GLIS1: variants seen among roughly 807,000 people sequenced by gnomAD.
The protein encoded by GLIS1 is GLIS family zinc finger 1.
GLIS1 carries 24 observed loss-of-function variants against 63.8 expected under a neutral mutation model. The ratio of observed to expected loss-of-function variants is 0.38; its 90% CI spans 0.27 to 0.53. The LOEUF (loss-of-function observed/expected upper bound fraction) is 0.53, where lower values mean the gene tolerates loss of function less well. Among genes scored for constraint, GLIS1 ranks in the 20% least tolerant of loss-of-function variants. The pLI, the probability that GLIS1 is intolerant of heterozygous loss-of-function variation, is 0.85. For missense variants in GLIS1, 1,036 were observed against 1,074.1 expected, an observed-to-expected ratio of 0.96 and a Z score of 0.50; for synonymous variants, 450 against 482.5, an observed-to-expected ratio of 0.93 and a Z score of 0.88.
At chr1:53,720,409 C>T (rs1217611144) in intron 2 of GLIS1, among the ~76,000 whole-genome samples, 1 of 152,004 alleles carries the variant, frequency 6.6e-6, no homozygotes, top group African/African-American at 2.4e-5. Context: ...AGAAAAATAC[C>T]GTAACTTCCT....
chr1:53,517,380 G>A (rs1204060151), intron 7 of GLIS1, among the ~76,000 whole-genome samples: 3 of 152,194 alleles, frequency 2.0e-5, no homozygotes, highest in Non-Finnish European at 4.4e-5. Context: ...CAGCTTGGGG[G>A]AAGGTGCCTC....
intron 4 of GLIS1, among the ~76,000 whole-genome samples, chr1:53,550,817 G>A (rs966499204): frequency 3.9e-5 from 6 of 152,180 alleles, no homozygotes; most frequent in African/African-American, 1.4e-4. Flanking sequence ...AGGTTCAGAC[G>A]CTCCCCACTC....
intron 4 of GLIS1, among the ~76,000 whole-genome samples, chr1:53,575,199 G>A (rs1645021333): frequency 6.6e-6 from 1 of 152,162 alleles, no homozygotes; most frequent in South Asian, 2.1e-4. Context: ...TAACATCCCG[G>A]CTGCCTATGG....
At chr1:53,570,311 G>C (rs1569845730) in intron 4 of GLIS1, among the ~76,000 whole-genome samples, 1 of 152,010 alleles carries the variant, frequency 6.6e-6, no homozygotes, top group East Asian at 1.9e-4. Flanking sequence ...TTTAGAGATG[G>C]GGGTCTTACT....
rs41302766 is a variant in GLIS1 at position 53,509,209 on chromosome 1, C to T, written c.2141G>A (p.Gly714Asp). The change falls in exon 10 of 11, where the codon GGT (glycine) becomes GAT (aspartate). Residue 714 changes from glycine to aspartate, a missense_variant. Physicochemically the swap from Gly to Asp is moderately conservative, Grantham distance 94. Coordinates refer to ENST00000628545, the MANE Select transcript of GLIS1 (RefSeq NM_001367484.1). The stretch of plus-strand genomic sequence containing the variant: ...GGTCTCCCCGACCAGTCCGTCCCCA[C>T]CGGCTGCTGGTTCAGCCATCCGGTA... ...DCYRMAEPAA[G>D]GDGLVGETHG... 5 of 1,598,060 alleles carry T rather than the reference C, an allele frequency of 3.1e-6. No homozygotes were observed. The highest frequency in any genetic ancestry group is 1.1e-5 in the South Asian group (1 of 88,002).
At chr1:53,676,927 TCCCACTTACCGGTCCTGCGGG>T (rs1421750751) in intron 2 of GLIS1, among the ~76,000 whole-genome samples, 1 of 152,202 alleles carries the variant, frequency 6.6e-6, no homozygotes, top group African/African-American at 2.4e-5. Context: ...TGCCTTCAAA[TCCCACTTACCGGTCCTGCGGG>T]CCCTCTGGCC....
intron 2 of GLIS1, among the ~76,000 whole-genome samples, chr1:53,684,313 T>C (rs1646307517): frequency 6.6e-6 from 1 of 152,188 alleles, no homozygotes. Context: ...TGTGTATTTA[T>C]GGAATGTGTG....
intron 2 of GLIS1, among the ~76,000 whole-genome samples, chr1:53,641,400 G>A (rs577012489): frequency 6.6e-6 from 1 of 152,326 alleles, no homozygotes; most frequent in Non-Finnish European, 1.5e-5. Context: ...TGACATCCCA[G>A]TGCCTGCCGT....
At chr1:53,569,601 A>G (rs2100460852) in intron 4 of GLIS1, among the ~76,000 whole-genome samples, 1 of 152,316 alleles carries the variant, frequency 6.6e-6, no homozygotes, top group African/African-American at 2.4e-5. Context: ...GAGGTCTACT[A>G]TCATTATTTC....
intron 2 of GLIS1, among the ~76,000 whole-genome samples, chr1:53,713,689 G>A (rs1359104229): frequency 6.6e-6 from 1 of 152,200 alleles, no homozygotes; most frequent in African/African-American, 2.4e-5. Context: ...TTGAGCCCAG[G>A]AAGTTGAGGC....
At chr1:53,720,773 A>G (rs1181467534) in intron 2 of GLIS1, among the ~76,000 whole-genome samples, 1 of 152,170 alleles carries the variant, frequency 6.6e-6, no homozygotes, top group Non-Finnish European at 1.5e-5. Flanking sequence ...ATTATGTATC[A>G]ATTTTAAAAA....
chr1:53,724,521 CTTTTAT>C (rs1006624193), intron 2 of GLIS1, among the ~76,000 whole-genome samples: 4 of 152,006 alleles, frequency 2.6e-5, no homozygotes, highest in Non-Finnish European at 4.4e-5. Flanking sequence ...ACAAGATGAT[CTTTTAT>C]TTTATTTTGA....
intron 4 of GLIS1, among the ~76,000 whole-genome samples, chr1:53,577,975 G>A (rs1264343031): frequency 1.3e-5 from 2 of 152,064 alleles, no homozygotes; most frequent in Non-Finnish European, 2.9e-5. Context: ...ATGCCATCCT[G>A]ATCCCCCTAC....
chr1:53,514,870 G>A, intron 7 of GLIS1, 89 bp from the exon 8 acceptor site: 1 of 1,397,256 alleles, frequency 7.2e-7, no homozygotes, highest in Non-Finnish European at 9.6e-7. Flanking sequence ...CCTGATGATG[G>A]AGAAATAAAG....
chr1:53,506,468 TG>T lies in GLIS1; in HGVS notation c.*150del. Reference sequence around the variant, plus strand: ...ATGGCGGCTCCCTGGCAGCGCTGGGTGGGGTGGCAGCGCTGGCTCCCCTGGG... The same window carrying T: ...ATGGCGGCTCCCTGGCAGCGCTGGGTGGGTGGCAGCGCTGGCTCCCCTGGG... On this transcript the variant is annotated 3_prime_UTR_variant, in exon 11 of 11. Transcript: ENST00000628545. 2.7e-6 allele frequency: 2 copies of T among 752,260 alleles called. No individual in the cohort carries two copies. Among genetic ancestry groups the T allele is most frequent in the Non-Finnish European group, 4.2e-6 (2 of 471,608 alleles). 46.6% of individuals were successfully genotyped at this position (752,260 alleles called of 1,614,324 possible).
At chr1:53,508,188 G>A (rs1019430982) in intron 10 of GLIS1, among the ~76,000 whole-genome samples, 1 of 152,186 alleles carries the variant, frequency 6.6e-6, no homozygotes, top group African/African-American at 2.4e-5. Context: ...GTGCAGCCCT[G>A]CCAGCTCCTG....
intron 4 of GLIS1, among the ~76,000 whole-genome samples, chr1:53,587,118 A>G (rs1050758958): frequency 6.6e-6 from 1 of 152,130 alleles, no homozygotes; most frequent in African/African-American, 2.4e-5. Context: ...AAAAGCCAAG[A>G]CCCAAAGGAT....
chr1:53,637,413 G>A (rs1429624352), intron 2 of GLIS1, among the ~76,000 whole-genome samples: 3 of 152,206 alleles, frequency 2.0e-5, no homozygotes, highest in Admixed American at 1.3e-4. Context: ...GTGCAGCAAT[G>A]AGACCAGAGA....
At chr1:53,608,021 G>A (rs1429960635) in intron 2 of GLIS1, among the ~76,000 whole-genome samples, 1 of 150,772 alleles carries the variant, frequency 6.6e-6, no homozygotes, top group Non-Finnish European at 1.5e-5. Context: ...GAGTGCAGTG[G>A]TGCGATCATA....
Sources: gnomAD v4.1 joint callset for allele counts (sites outside exome capture counted in the v4.1 genomes callset) on GRCh38, gnomAD v4.1.1 for gene constraint, MANE v1.5 for transcripts, NCBI Gene and HGNC (gene_info 2026-07-23, HGNC 2026-07-21) for gene names.